The following DNAI4 variants were observed in gnomAD, a reference collection of about 807,000 sequenced individuals.
DNAI4 encodes the protein dynein axonemal intermediate chain 4.
In DNAI4, 85 loss-of-function variants were observed where a neutral mutation model predicts 105.8. The ratio of observed to expected loss-of-function variants is 0.80; its 90% CI spans 0.67 to 0.96. DNAI4 has a LOEUF of 0.96. Among genes scored for constraint, DNAI4 ranks in the 40% least tolerant of loss-of-function variants. DNAI4 has a pLI of 0.00. For synonymous variants in DNAI4, 352 were observed against 331.5 expected, an observed-to-expected ratio of 1.06 and a Z score of -0.67; for missense variants, 1,014 against 1,005.6, an observed-to-expected ratio of 1.01 and a Z score of -0.11.
intron 12 of DNAI4, 114 bp downstream of exon 12, chr1:66,833,877 A>G (rs768784694): frequency 4.1e-4 from 570 of 1,403,720 alleles, no homozygotes; most frequent in Non-Finnish European, 5.1e-4. Context: ...ACCATGACCA[A>G]CCCAATTTTT....
intron 3 of DNAI4, among the ~76,000 whole-genome samples, 162 bp downstream of exon 3, chr1:66,893,067 A>AAT (rs1557965383): frequency 1.1e-5 from 1 of 94,548 alleles, no homozygotes. Context: ...GAGAGAGAGA[A>AAT]AGAAAGAAAG....
intron 7 of DNAI4, among the ~76,000 whole-genome samples, chr1:66,856,099 G>C (rs1373245421): frequency 6.6e-6 from 1 of 151,520 alleles, no homozygotes; most frequent in Non-Finnish European, 1.5e-5. Flanking sequence ...GCCTCCCAAA[G>C]TGCTGGGATT....
At chr1:66,874,170 CA>C (rs997700057) in intron 5 of DNAI4, among the ~76,000 whole-genome samples, 50 of 151,838 alleles carry the variant, frequency 3.3e-4, no homozygotes, top group African/African-American at 1.2e-3. Context: ...AGGGATAGTA[CA>C]AAATGATAAA....
At chr1:66,883,928 T>A (rs1480466502) in intron 4 of DNAI4, among the ~76,000 whole-genome samples, 3 of 152,148 alleles carry the variant, frequency 2.0e-5, no homozygotes, top group Non-Finnish European at 4.4e-5. Flanking sequence ...ATAGACTTTT[T>A]AAAAAAACAT....
rs1648106433 is a variant in DNAI4, at chr1:66,894,115, C to A, written c.346-702G>T. On this transcript the variant is annotated intron_variant, in intron 2 of 16. Transcript: ENST00000371026. ...ACTTTTTAATATTTTAGAGTGTACT[C>A]CTTTTATTTCTTAAAAAAATAGTTA... Among the ~76,000 whole-genome samples, 3 of 152,048 alleles carry A rather than the reference C, an allele frequency of 2.0e-5. No homozygotes were observed. In the South Asian group the frequency reaches 6.2e-4, roughly 31 times the overall value.
intron 16 of DNAI4, among the ~76,000 whole-genome samples, chr1:66,818,895 A>C (rs1204501138): frequency 6.6e-6 from 1 of 152,082 alleles, no homozygotes; most frequent in African/African-American, 2.4e-5. Flanking sequence ...CCTGGGCGAC[A>C]AGAGTGAGAC....
chr1:66,839,474 T>C (rs1317524944), intron 9 of DNAI4, among the ~76,000 whole-genome samples: 14 of 152,178 alleles, frequency 9.2e-5, no homozygotes, highest in Admixed American at 9.2e-4. Context: ...TGTTTGCACA[T>C]AGCACCTGAT....
At chr1:66,901,900 AGCATCTAG>A (rs1296275454) in intron 2 of DNAI4, among the ~76,000 whole-genome samples, 1 of 152,110 alleles carries the variant, frequency 6.6e-6, no homozygotes, top group Non-Finnish European at 1.5e-5. Flanking sequence ...GATTCTCCTG[AGCATCTAG>A]GCATCTAGGA....
At chr1:66,859,949 G>T (rs1646589674) in intron 7 of DNAI4, among the ~76,000 whole-genome samples, 1 of 152,060 alleles carries the variant, frequency 6.6e-6, no homozygotes, top group African/African-American at 2.4e-5. Flanking sequence ...ACAAAGAATG[G>T]AACTTAATGT....
chr1:66,853,246 G>C (rs1301102884), intron 7 of DNAI4, among the ~76,000 whole-genome samples: 2 of 152,250 alleles, frequency 1.3e-5, no homozygotes, highest in Non-Finnish European at 2.9e-5. Context: ...AAGACATGCA[G>C]AACTATGCCT....
At chr1:66,824,659 C>T (rs1645710836) in intron 15 of DNAI4, among the ~76,000 whole-genome samples, 1 of 151,808 alleles carries the variant, frequency 6.6e-6, no homozygotes, top group South Asian at 2.1e-4. Context: ...GTATTTTATT[C>T]TCTTTGAAGC....
intron 4 of DNAI4, among the ~76,000 whole-genome samples, chr1:66,889,266 C>T (rs770471628): frequency 3.3e-5 from 5 of 152,042 alleles, no homozygotes; most frequent in East Asian, 1.9e-4. Flanking sequence ...ATAAAGGAAG[C>T]GGAATGGCTT....
At chr1:66,919,249 C>G (rs1650288576) in intron 1 of DNAI4, 1 of 252,540 alleles carries the variant, frequency 4.0e-6, no homozygotes, top group Non-Finnish European at 8.5e-6. Flanking sequence ...AGACCTGTCT[C>G]AAATTCTCAG....
intron 2 of DNAI4, among the ~76,000 whole-genome samples, chr1:66,894,788 C>G (rs1648171692): frequency 6.6e-6 from 1 of 152,108 alleles, no homozygotes; most frequent in South Asian, 2.1e-4. Context: ...TGAAGACTCT[C>G]TAATTTGCTA....
At chr1:66,908,934 A>G (rs1649453959) in intron 1 of DNAI4, among the ~76,000 whole-genome samples, 6 of 152,188 alleles carry the variant, frequency 3.9e-5, no homozygotes, top group Admixed American at 3.3e-4. Context: ...CCACTGTCAC[A>G]TCTATGCACT....
At chr1:66,858,532 C>CAAAAA (rs3033717) in intron 7 of DNAI4, among the ~76,000 whole-genome samples, 7 of 63,578 alleles carry the variant, frequency 1.1e-4, no homozygotes, top group Admixed American at 2.0e-4. Flanking sequence ...GACTCCGTCT[C>CAAAAA]AAAAAAAAAA....
intron 6 of DNAI4, chr1:66,871,090 G>A (rs1358667170): frequency 2.6e-5 from 9 of 340,052 alleles, no homozygotes; most frequent in Non-Finnish European, 1.6e-5. Flanking sequence ...TTGTGACATA[G>A]TAAATAATCA....
In DNAI4 at chr1:66,835,193, C is replaced by CAGACAGATAGAT. The variant is rs148107373; in HGVS notation, c.1733+432_1733+433insATCTATCTGTCT. 5.0e-3 allele frequency among the ~76,000 whole-genome samples: 676 copies of CAGACAGATAGAT among 136,210 alleles called. 2 individuals carry two copies. Among genetic ancestry groups the CAGACAGATAGAT allele is most frequent in the Non-Finnish European group, 6.6e-3 (398 of 60,058 alleles). 89.4% of individuals were successfully genotyped at this position (136,210 alleles called of 152,430 possible). ...TCAAGGAACTTATACCCTCCTTAGA[C>CAGACAGATAGAT]AGATAGATAGATAGATAGATAGATA... On this transcript the variant is annotated intron_variant, in intron 11 of 16. Coordinates refer to ENST00000371026, the MANE Select transcript of DNAI4 (RefSeq NM_024763.5).
chr1:66,839,596 C>A (rs1332835453), intron 9 of DNAI4, among the ~76,000 whole-genome samples: 1 of 152,144 alleles, frequency 6.6e-6, no homozygotes, highest in African/African-American at 2.4e-5. Flanking sequence ...ATCAAAGATA[C>A]TGCCATTGCC....
Sources: allele counts gnomAD v4.1 joint callset (sites outside exome capture counted in the v4.1 genomes callset), GRCh38; gene constraint gnomAD v4.1.1; transcripts MANE v1.5; gene names NCBI Gene and HGNC (gene_info 2026-07-23, HGNC 2026-07-21).